The following BRD10 variants were observed in gnomAD, a reference collection of about 807,000 sequenced individuals.
BRD10 encodes bromodomain containing 10.
the BRD10 span, among the ~76,000 whole-genome samples, chr9:5,938,339 G>A: frequency 6.6e-6 from 1 of 150,944 alleles, no homozygotes; most frequent in African/African-American, 2.5e-5. Context: ...CTTCTCTCAA[G>A]GCTGAGGTGG....
the BRD10 span, among the ~76,000 whole-genome samples, chr9:5,887,531 T>C: frequency 3.3e-5 from 5 of 152,216 alleles, no homozygotes; most frequent in Non-Finnish European, 4.4e-5. Context: ...CCACCAGTCA[T>C]ATATGGGCCA....
the BRD10 span, among the ~76,000 whole-genome samples, chr9:5,998,925 T>C: frequency 2.6e-5 from 4 of 152,020 alleles, no homozygotes; most frequent in Non-Finnish European, 4.4e-5. Context: ...TACCTTGAAA[T>C]ACTATCATAT....
the BRD10 span, among the ~76,000 whole-genome samples, chr9:5,962,109 G>A: frequency 6.6e-6 from 1 of 151,954 alleles, no homozygotes; most frequent in Non-Finnish European, 1.5e-5. Context: ...TTCTCTTGTG[G>A]GCATTTAGTG....
At chr9:5,989,955 G>C in the BRD10 span, among the ~76,000 whole-genome samples, 1 of 152,134 alleles carries the variant, frequency 6.6e-6, no homozygotes, top group Non-Finnish European at 1.5e-5. Flanking sequence ...TGCCATCTAG[G>C]TCCCATGAAC....
At chr9:5,929,295 GA>G in the BRD10 span, 2 of 505,350 alleles carry the variant, frequency 4.0e-6, no homozygotes, top group Non-Finnish European at 7.0e-6. Flanking sequence ...CAGAAAGGGG[GA>G]AAATATCCTG....
the BRD10 span, chr9:5,921,101 A>T: frequency 6.2e-7 from 1 of 1,613,926 alleles, no homozygotes; most frequent in Non-Finnish European, 8.5e-7. Context: ...ATTCTGACTC[A>T]CAAAATTTGA....
chr9:5,985,790 A>AAAATAAAT, the BRD10 span, among the ~76,000 whole-genome samples: 8 of 151,382 alleles, frequency 5.3e-5, no homozygotes, highest in Admixed American at 1.3e-4. Context: ...CGTCTCAAAA[A>AAAATAAAT]AAATAAATAA....
At chr9:6,007,532 G>A in the BRD10 span, 141 of 1,612,984 alleles carry the variant, frequency 8.7e-5, no homozygotes, top group Non-Finnish European at 1.1e-4. Flanking sequence ...AACTCGCCCA[G>A]GATGCGGTAG....
chr9:5,933,612 T>C, the BRD10 span: 1 of 350,210 alleles, frequency 2.9e-6, no homozygotes, highest in Non-Finnish European at 5.8e-6. Flanking sequence ...CATGCAGTTT[T>C]ATAAGTCTTT....
chr9:6,008,260 C>T, the BRD10 span: 21 of 983,042 alleles, frequency 2.1e-5, no homozygotes, highest in Non-Finnish European at 2.5e-5. Flanking sequence ...CTCCCTCACA[C>T]CCCCTCCCGC....
chr9:5,924,900 TCTAAA>T, the BRD10 span: 2 of 1,252,618 alleles, frequency 1.6e-6, no homozygotes, highest in Non-Finnish European at 1.1e-6. Context: ...ATTCTTGGAA[TCTAAA>T]CTAACTTTTA....
At chr9:5,952,061 C>T in the BRD10 span, among the ~76,000 whole-genome samples, 1 of 149,074 alleles carries the variant, frequency 6.7e-6, no homozygotes, top group African/African-American at 2.5e-5. Flanking sequence ...TCCCTCATTG[C>T]CCAGCCTGGA....
At chr9:5,922,656 G>A in the BRD10 span, 1 of 1,613,910 alleles carries the variant, frequency 6.2e-7, no homozygotes, top group Admixed American at 1.7e-5. Flanking sequence ...CCTTCTTTAT[G>A]CTGAATCACA....
chr9:5,988,634 T>C, the BRD10 span: 1 of 906,382 alleles, frequency 1.1e-6, no homozygotes, highest in Non-Finnish European at 1.7e-6. Flanking sequence ...TCCCTTTTGC[T>C]AAATACATAA....
At chr9:5,947,617 TAATA>T in the BRD10 span, among the ~76,000 whole-genome samples, 2 of 152,058 alleles carry the variant, frequency 1.3e-5, no homozygotes, top group African/African-American at 4.8e-5. Context: ...AATGTATACC[TAATA>T]TATATACCCA....
At chr9:5,969,517 C>T in the BRD10 span, 906,479 of 955,984 alleles carry the variant, frequency 0.95, 433,398 homozygotes, top group Non-Finnish European at 0.99. Flanking sequence ...TTATCTTTAG[C>T]CAAAAAGGCA....
the BRD10 span, among the ~76,000 whole-genome samples, chr9:5,975,069 C>A: frequency 6.6e-6 from 1 of 152,018 alleles, no homozygotes; most frequent in South Asian, 2.1e-4. Context: ...ACTAGGCATG[C>A]AACAATGCAG....
At chr9:5,971,052 CAAAAAAAAAAAAAAAAAA>C in the BRD10 span, among the ~76,000 whole-genome samples, 2 of 43,198 alleles carry the variant, frequency 4.6e-5, no homozygotes, top group Admixed American at 2.7e-4. Context: ...AGCAACGTCT[CAAAAAAAAAAAAAAAAAA>C]AAAAAAAAAG....
the BRD10 span, among the ~76,000 whole-genome samples, chr9:5,904,274 A>AT: frequency 6.6e-6 from 1 of 152,198 alleles, no homozygotes; most frequent in African/African-American, 2.4e-5. Context: ...CTGTCTTTTA[A>AT]TTGGTGCATT....
Sources: gnomAD v4.1 joint callset for allele counts (sites outside exome capture counted in the v4.1 genomes callset) on GRCh38, gnomAD v4.1.1 for gene constraint, MANE v1.5 for transcripts, NCBI Gene and HGNC (gene_info 2026-07-23, HGNC 2026-07-21) for gene names.